Variants in CLEC16A observed in about 807,000 individuals in gnomAD.
CLEC16A encodes C-type lectin domain containing 16A.
Under a neutral mutation model 109.5 loss-of-function variants are expected in CLEC16A, and 51 were observed. The observed-to-expected ratio is 0.47, with a 90% CI of 0.37 to 0.59. The LOEUF (loss-of-function observed/expected upper bound fraction) is 0.59. CLEC16A is among the 20% of genes least tolerant of loss of function. The pLI, the probability that CLEC16A is intolerant of heterozygous loss-of-function variation, is 0.00. For missense variants in CLEC16A, 1,339 were observed against 1,394.0 expected (o/e 0.96, Z 0.63); for synonymous variants, 673 against 564.2 (o/e 1.19, Z -2.73).
chr16:10,979,455 C>A, intron 9 of CLEC16A, 73 bp downstream of exon 9: 1 of 1,357,040 alleles, frequency 7.4e-7, no homozygotes, highest in Non-Finnish European at 1.0e-6. Context: ...TGAAGAAAAT[C>A]CCCAGGCCTT....
At chr16:11,055,883 C>G (rs1567254656) in intron 18 of CLEC16A, among the ~76,000 whole-genome samples, 1 of 152,094 alleles carries the variant, frequency 6.6e-6, no homozygotes, top group Admixed American at 6.5e-5. Flanking sequence ...GCCACCATGC[C>G]CAGCCCTCTC....
intron 13 of CLEC16A, among the ~76,000 whole-genome samples, chr16:11,031,617 C>T (rs911179013): frequency 3.9e-5 from 6 of 152,138 alleles, no homozygotes; most frequent in Non-Finnish European, 8.8e-5. Context: ...TTTGGAAGCC[C>T]CTGTTAGATG....
chr16:11,079,928 G>A (rs1379715731), intron 19 of CLEC16A, among the ~76,000 whole-genome samples: 2 of 152,202 alleles, frequency 1.3e-5, no homozygotes, highest in Non-Finnish European at 2.9e-5. Flanking sequence ...GTGTCTAGCA[G>A]AAGGTTCCAG....
At chr16:11,085,582 C>T (rs951288589) in intron 19 of CLEC16A, among the ~76,000 whole-genome samples, 5 of 152,184 alleles carry the variant, frequency 3.3e-5, no homozygotes, top group Non-Finnish European at 7.3e-5. Flanking sequence ...GAAGACAGTG[C>T]CGTGTGTTAT....
chr16:11,165,648 A>G (rs1014543487), intron 22 of CLEC16A, among the ~76,000 whole-genome samples: 2 of 152,134 alleles, frequency 1.3e-5, no homozygotes, highest in African/African-American at 4.8e-5. Flanking sequence ...GAGAAACACA[A>G]TAGCTGTTCA....
intron 13 of CLEC16A, chr16:11,027,086 G>A (rs1567213896): frequency 6.5e-7 from 1 of 1,543,734 alleles, no homozygotes; most frequent in East Asian, 2.2e-5. Flanking sequence ...AAAAGAGGAA[G>A]GCTTATCAGG....
chr16:11,158,119 G>A (rs910009951), intron 22 of CLEC16A, among the ~76,000 whole-genome samples: 1 of 152,184 alleles, frequency 6.6e-6, no homozygotes, highest in Admixed American at 6.5e-5. Flanking sequence ...AGCCGACAAG[G>A]GGAGAAATAA....
intron 16 of CLEC16A, among the ~76,000 whole-genome samples, chr16:11,045,737 A>G (rs9940096): frequency 0.15 from 22,989 of 152,124 alleles, 1,806 homozygotes; most frequent in African/African-American, 0.21. Flanking sequence ...GTGGCTGATG[A>G]AGATCCTCCT....
chr16:11,022,505 C>G (rs1324802312), intron 12 of CLEC16A, among the ~76,000 whole-genome samples: 1 of 151,964 alleles, frequency 6.6e-6, no homozygotes, highest in Non-Finnish European at 1.5e-5. Flanking sequence ...TGAATTGGAT[C>G]TTGGCGTTGG....
chr16:10,996,039 C>T (rs550349309), intron 10 of CLEC16A, among the ~76,000 whole-genome samples: 27 of 152,252 alleles, frequency 1.8e-4, no homozygotes, highest in African/African-American at 5.8e-4. Context: ...CTCTTTCCTT[C>T]GTGCTCAACC....
At chr16:11,170,950 G>A (rs1311347513) in intron 23 of CLEC16A, among the ~76,000 whole-genome samples, 2 of 152,196 alleles carry the variant, frequency 1.3e-5, no homozygotes, top group African/African-American at 4.8e-5. Flanking sequence ...GGGATGAGGG[G>A]TTGGTGAGGC....
intron 22 of CLEC16A, among the ~76,000 whole-genome samples, chr16:11,153,170 C>G (rs996860224): frequency 4.6e-5 from 7 of 152,140 alleles, no homozygotes; most frequent in Non-Finnish European, 8.8e-5. Context: ...AGTTACTGCC[C>G]TCCGCCTGCT....
At chr16:11,003,360 C>T (rs1030713249) in intron 11 of CLEC16A, 55 bp downstream of exon 11, 24 of 1,457,466 alleles carry the variant, frequency 1.6e-5, no homozygotes, top group East Asian at 2.3e-5. Context: ...AGCCCGCCAG[C>T]GAGGCTGCCA....
At chr16:11,009,879 C>T (rs974410768) in intron 11 of CLEC16A, among the ~76,000 whole-genome samples, 16 of 152,044 alleles carry the variant, frequency 1.1e-4, no homozygotes, top group Non-Finnish European at 2.1e-4. Flanking sequence ...GGTGGCCAGG[C>T]GCAGTGGCTC....
At chr16:11,010,089 G>T (rs2045308424) in intron 11 of CLEC16A, among the ~76,000 whole-genome samples, 1 of 152,098 alleles carries the variant, frequency 6.6e-6, no homozygotes, top group South Asian at 2.1e-4. Flanking sequence ...GGAGGTTGAA[G>T]CTACAGTGAA....
rs1473358810 is a variant in CLEC16A at position 10,972,558 on chromosome 16, A to G, written c.603A>G (p.Ser201=). The change falls in exon 6 of 24, where the codon TCA becomes TCG. Residue 201 remains serine (S), a splice_region_variant and synonymous_variant. Transcript: ENST00000409790. Reference sequence around the variant, plus strand: ...TTCCTGTGTTCCTTATTCCAGTGTCATGTAAGTTATTAACCTCTGGTTTTC... The same window carrying G: ...TTCCTGTGTTCCTTATTCCAGTGTCGTGTAAGTTATTAACCTCTGGTTTTC... The part of the protein sequence containing the change: ...RTITLNVYKV[S]LDNQAMLHYI... 6.2e-7 allele frequency: 1 copy of G among 1,612,258 alleles called. No individual in the cohort carries two copies. The highest frequency in any genetic ancestry group is 1.7e-5 in the Admixed American group (1 of 59,902).
intron 15 of CLEC16A, 130 bp from the exon 16 acceptor site, chr16:11,043,898 C>A (rs572145622): frequency 7.0e-6 from 4 of 575,420 alleles, no homozygotes; most frequent in African/African-American, 3.9e-5. Context: ...AAAAAAAACA[C>A]CATTTTATAC....
At chr16:11,085,710 T>TG (rs1435331952) in intron 19 of CLEC16A, among the ~76,000 whole-genome samples, 2 of 152,248 alleles carry the variant, frequency 1.3e-5, no homozygotes, top group Admixed American at 6.5e-5. Context: ...TCCCAAGTGT[T>TG]GTATGTGAGT....
chr16:11,166,734 G>A (rs759553994), intron 23 of CLEC16A, among the ~76,000 whole-genome samples, 182 bp downstream of exon 23: 2 of 152,180 alleles, frequency 1.3e-5, no homozygotes, highest in African/African-American at 4.8e-5. Context: ...TCCCAGGCTG[G>A]GTCAGCTCCC....
Sources: allele counts gnomAD v4.1 joint callset (sites outside exome capture counted in the v4.1 genomes callset), GRCh38; gene constraint gnomAD v4.1.1; transcripts MANE v1.5; gene names NCBI Gene and HGNC (gene_info 2026-07-23, HGNC 2026-07-21).